Variants in UBA52 observed in about 807,000 individuals in gnomAD.
UBA52 encodes ubiquitin-ribosomal protein eL40 fusion protein.
UBA52 carries 1 observed loss-of-function variant against 15.3 expected under a neutral mutation model. That is an observed-to-expected ratio of 0.07 (90% confidence interval 0.02 to 0.31). UBA52 has a LOEUF of 0.31. Among genes scored for constraint, UBA52 ranks in the 10% least tolerant of loss-of-function variants. The pLI is 1.00. For missense variants in UBA52, 87 were observed against 168.0 expected (o/e 0.52, Z 2.66); for synonymous variants, 50 against 58.3 (o/e 0.86, Z 0.65).
Position 18,574,961 on chromosome 19 carries a change from G to C in UBA52, c.282G>C (p.Met94Ile). Residue 94 changes from methionine to isoleucine, a missense_variant, in exon 4 of 5, where the codon ATG becomes ATC. Transcript: ENST00000442744. Reference sequence around the variant, plus strand: ...CCCAGAAATACAACTGCGACAAGATGATCTGCCGCAAGTATGTGTGCTCCG... The same window carrying C: ...CCCAGAAATACAACTGCGACAAGATCATCTGCCGCAAGTATGTGTGCTCCG... ...QLAQKYNCDK[M>I]ICRKCYARLH... 6.2e-7 allele frequency: 1 copy of C among 1,614,202 alleles called. No individual in the cohort carries two copies. The highest frequency in any genetic ancestry group is 8.5e-7 in the Non-Finnish European group (1 of 1,180,038).
chr19:18,567,252 C>A, upstream of UBA52: 1 of 1,465,918 alleles, frequency 6.8e-7, no homozygotes, highest in Non-Finnish European at 9.5e-7. Context: ...TGGAAGGCCA[C>A]CTTGGGGCCT....
chr19:18,568,265 CAAAA>C (rs397859705), upstream of UBA52: 2,220 of 493,686 alleles, frequency 4.5e-3, no homozygotes, highest in South Asian at 4.7e-3. Context: ...AACTCCGTCT[CAAAA>C]AAAAAAAAAA....
chr19:18,571,889 T>TTGG lies in UBA52; in HGVS notation c.-25_-23dup, dbSNP rs1455432868. On this transcript the variant is annotated 5_prime_UTR_variant, in exon 1 of 5. Transcript: ENST00000442744. ...TTCTTCAGCGAGGCGGCCGAGCTGG[T>TTGG]TGGTGGCGGCGGTCGTGCGGGTTCG... 1 of 153,276 alleles carries TTGG rather than the reference T, an allele frequency of 6.5e-6. No individual in the cohort carries two copies. The highest frequency in any genetic ancestry group is 6.5e-5 in the Admixed American group (1 of 15,298). 9.5% of individuals were successfully genotyped at this position (153,276 alleles called of 1,614,324 possible). A position where few individuals can be genotyped will look rare whatever the true frequency, so the allele number is the denominator to read the frequency against.
At chr19:18,567,057 G>T (rs1232674315), upstream of UBA52, 3 of 1,413,160 alleles carry the variant, frequency 2.1e-6, no homozygotes, top group Non-Finnish European at 3.0e-6. Flanking sequence ...GCTGGCAGCA[G>T]GGGCTTGTGG....
At chr19:18,573,230 T>G in intron 1 of UBA52, 63 bp from the exon 2 acceptor site, 19 of 1,502,140 alleles carry the variant, frequency 1.3e-5, no homozygotes, top group Non-Finnish European at 1.7e-5. Flanking sequence ...TGTAGGCACC[T>G]GAGCTTGTGC....
At chr19:18,563,883 A>C in the UBA52 span, among the ~76,000 whole-genome samples, 1 of 148,884 alleles carries the variant, frequency 6.7e-6, no homozygotes, top group Non-Finnish European at 1.5e-5. Flanking sequence ...CAACCTCCTA[A>C]AGTGCTGGTC....
chr19:18,574,812 C>T lies in UBA52; in HGVS notation c.191-58C>T. On this transcript the variant is annotated intron_variant, in intron 3 of 4. Coordinates refer to ENST00000442744, the MANE Select transcript of UBA52 (RefSeq NM_001033930.3). ...CTATAGGCCCTGGAGGGTCCTGCCC[C>T]TGTGACTGAGGAGCCAGGGCTGGGC... The T allele has an allele frequency of 1.9e-6, 3 of 1,601,006 alleles. No individual in the cohort carries two copies. The South Asian group carries it at 3.3e-5, about 18-fold the overall frequency.
chr19:18,573,460 A>G, intron 2 of UBA52, 57 bp downstream of exon 2: 1 of 1,480,860 alleles, frequency 6.8e-7, no homozygotes, highest in Non-Finnish European at 9.4e-7. Context: ...CTCTCTGCCC[A>G]GGGGAGTCTC....
rs574124173 is a variant in UBA52, at chr19:18,575,438, G to A, written c.*288G>A. On this transcript the variant is annotated 3_prime_UTR_variant, in exon 5 of 5. Transcript: ENST00000442744. Reference sequence around the variant, plus strand: ...TAAAACTGGAGTAAAAACCTCAGTCGTGTAATTGGTGGGACTGAGGATCAG... The same window carrying A: ...TAAAACTGGAGTAAAAACCTCAGTCATGTAATTGGTGGGACTGAGGATCAG... 1.8e-5 allele frequency: 8 copies of A among 433,014 alleles called. No individual in the cohort carries two copies. In the East Asian group the frequency reaches 3.3e-4, roughly 18 times the overall value. The allele number at this position is 433,014 out of a possible 1,614,324, so 26.8% of individuals were successfully genotyped here.
upstream of UBA52, chr19:18,568,537 G>A (rs1568424112): frequency 6.2e-7 from 1 of 1,614,034 alleles, no homozygotes; most frequent in East Asian, 2.2e-5. Context: ...CCCTCCCTGA[G>A]CCCCGGCTTC....
chr19:18,568,338 A>AT, upstream of UBA52: 3 of 1,254,016 alleles, frequency 2.4e-6, no homozygotes, highest in Non-Finnish European at 2.3e-6. Context: ...CACATGGACA[A>AT]TAAGTCCTAC....
At chr19:18,569,650 T>G, upstream of UBA52, among the ~76,000 whole-genome samples, 1 of 151,462 alleles carries the variant, frequency 6.6e-6, no homozygotes, top group South Asian at 2.1e-4. Context: ...TCTCCAGATC[T>G]CAGCCTTCCT....
upstream of UBA52, chr19:18,571,584 G>T (rs1404717732): frequency 6.6e-6 from 1 of 152,294 alleles, no homozygotes; most frequent in African/African-American, 2.4e-5. Context: ...ATTCGCTGAG[G>T]GCCCGCCAAC....
rs1233416111 is a variant in UBA52 at position 18,577,342 on chromosome 19, G to A, written c.*2192G>A. The A allele has an allele frequency of 1.3e-5, 2 of 152,172 alleles. No individual in the cohort carries two copies. Among genetic ancestry groups the A allele is most frequent in the Non-Finnish European group, 2.9e-5 (2 of 68,042 alleles). The allele number at this position is 152,172 out of a possible 1,614,324, so 9.4% of individuals were successfully genotyped here. A position where few individuals can be genotyped will look rare whatever the true frequency, so the allele number is the denominator to read the frequency against. On this transcript the variant is annotated 3_prime_UTR_variant, in exon 5 of 5. Transcript: ENST00000442744. ...TTAATGGACAAAAAGAAAGAAAGGG[G>A]AGGGAGTAACAGGGATATGAGCTCT...
the UBA52 span, chr19:18,565,025 G>A: frequency 1.3e-6 from 2 of 1,571,128 alleles, no homozygotes; most frequent in East Asian, 2.3e-5. Flanking sequence ...GTATCAGGTG[G>A]GTGCTCAGTG....
At chr19:18,573,608 C>A in intron 2 of UBA52, 54 bp from the exon 3 acceptor site, 1 of 1,578,864 alleles carries the variant, frequency 6.3e-7, no homozygotes, top group Non-Finnish European at 8.7e-7. Context: ...CTGCAGAGGA[C>A]ACTGCCAGTA....
the UBA52 span, among the ~76,000 whole-genome samples, chr19:18,565,995 A>AT: frequency 2.6e-5 from 4 of 151,974 alleles, no homozygotes; most frequent in Non-Finnish European, 5.9e-5. Flanking sequence ...ATTTTGTGTA[A>AT]TTTTTGTATT....
At chr19:18,569,868 T>C (rs1207709489), upstream of UBA52, among the ~76,000 whole-genome samples, 1 of 152,076 alleles carries the variant, frequency 6.6e-6, no homozygotes, top group African/African-American at 2.4e-5. Flanking sequence ...ACCCCATCTC[T>C]ACCAAAAATA....
In UBA52 at chr19:18,573,561, G is replaced by T. The variant is rs1975616558; in HGVS notation, c.104-101G>T. Reference sequence around the variant, plus strand: ...ACGTTTGTTATCTTCTACCTCAGTTGGCCTTTTGAGAAACTGGGGGTAGTG... The same window carrying T: ...ACGTTTGTTATCTTCTACCTCAGTTTGCCTTTTGAGAAACTGGGGGTAGTG... On this transcript the variant is annotated intron_variant, in intron 2 of 4. Coordinates refer to ENST00000442744, the MANE Select transcript of UBA52 (RefSeq NM_001033930.3). 2.9e-6 allele frequency: 4 copies of T among 1,375,458 alleles called. No individual in the cohort carries two copies. In the South Asian group the frequency reaches 4.9e-5, roughly 17 times the overall value. 85.2% of individuals were successfully genotyped at this position (1,375,458 alleles called of 1,614,324 possible).
Sources: allele counts gnomAD v4.1 joint callset (sites outside exome capture counted in the v4.1 genomes callset), GRCh38; gene constraint gnomAD v4.1.1; transcripts MANE v1.5; gene names NCBI Gene and HGNC (gene_info 2026-07-23, HGNC 2026-07-21).